The following KRT84 variants were observed in gnomAD, a reference collection of about 807,000 sequenced individuals.
KRT84 encodes keratin 84.
Under a neutral mutation model 49.0 loss-of-function variants are expected in KRT84, and 38 were observed. The ratio of observed to expected loss-of-function variants is 0.78; its 90% CI spans 0.60 to 1.02. KRT84 has a LOEUF of 1.02. Ranked by LOEUF, KRT84 falls within the 50% of genes least tolerant of loss-of-function variation. The pLI, the probability that KRT84 is intolerant of heterozygous loss-of-function variation, is 0.00. For synonymous variants in KRT84, 334 were observed against 312.8 expected, an observed-to-expected ratio of 1.07 and a Z score of -0.72; for missense variants, 860 against 788.6, an observed-to-expected ratio of 1.09 and a Z score of -1.08.
Position 52,380,529 on chromosome 12 carries a change from G to A in KRT84, c.1258C>T (p.Leu420Phe). The change falls in exon 7 of 9, where the codon CTC (leucine) becomes TTC (phenylalanine). Residue 420 changes from leucine to phenylalanine, a missense_variant. By Grantham distance (22) the Leu-to-Phe change is conservative. Transcript: ENST00000257951. ...AEAEQQGEAT[L>F]SDAKCKLADL... ...GCCAGCTTGCATTTGGCATCACTGAGGGTCGCCTCGCCCTGCTGCTCGGCC... is the reference window on the plus strand; with the variant it reads ...GCCAGCTTGCATTTGGCATCACTGAAGGTCGCCTCGCCCTGCTGCTCGGCC... The A allele has an allele frequency of 6.2e-7, 1 of 1,614,008 alleles. No homozygotes were observed. Among genetic ancestry groups the A allele is most frequent in the Non-Finnish European group, 8.5e-7 (1 of 1,179,916 alleles).
rs748995346 is a variant in KRT84 at position 52,378,094 on chromosome 12, G to A, written c.1743C>T (p.Gly581=). Residue 581 remains glycine (G), a synonymous_variant, in exon 9 of 9, where the codon GGC becomes GGT. Coordinates refer to ENST00000257951, the MANE Select transcript of KRT84 (RefSeq NM_033045.4). ...PTQGGFSSCS[G]GRSSSVRFVS... ...CAAAGCGGACGCTGGAGCTGCGGCC[G>A]CCGCTGCAGCTGCTGAAGCCCCCCT... 1.5e-5 allele frequency: 22 copies of A among 1,503,068 alleles called. No homozygotes were observed. Among genetic ancestry groups the A allele is most frequent in the East Asian group, 1.0e-4 (4 of 39,862 alleles). The allele number at this position is 1,503,068 out of a possible 1,614,324, so 93.1% of individuals were successfully genotyped here.
At chr12:52,380,650 C>A in intron 6 of KRT84, 67 bp from the exon 7 acceptor site, 1 of 1,455,552 alleles carries the variant, frequency 6.9e-7, no homozygotes, top group Admixed American at 2.1e-5. Flanking sequence ...GGGTTAGAAA[C>A]ACGGCCCCTC....
At position 52,381,375 on chromosome 12, in the gene KRT84, A is replaced by G. The variant is rs965413016; in HGVS notation, c.1063T>C (p.Trp355Arg). 6 of 1,614,204 alleles carry G rather than the reference A, an allele frequency of 3.7e-6. No homozygotes were observed. Among genetic ancestry groups the G allele is most frequent in the Non-Finnish European group, 5.1e-6 (6 of 1,180,032 alleles). ...CCACTGCCCACCTTGGTCTGGTACC[A>G]GGCCTCAGCATCAGCCCGGCTGCGC... is the stretch of plus-strand genomic sequence containing the variant. ...ARRSRADAEA[W>R]YQTKYEEMQV... Residue 355 changes from tryptophan to arginine, a missense_variant, in exon 5 of 9, where the codon TGG (tryptophan) becomes CGG (arginine). Transcript: ENST00000257951.
intron 4 of KRT84, among the ~76,000 whole-genome samples, chr12:52,381,947 A>G (rs1386139258): frequency 1.3e-5 from 2 of 152,160 alleles, no homozygotes; most frequent in Admixed American, 6.5e-5. Context: ...TAATAGAAGA[A>G]CTGAGGGGCT....
rs771892660 is a variant in KRT84 at position 52,383,571 on chromosome 12, C to A, written c.755+19G>T. On this transcript the variant is annotated intron_variant, in intron 2 of 8. Transcript: ENST00000257951. ...AGGCCTGGCCTGTCACTGGTCTGTG[C>A]AGCTCAGATGTCACTCACTTCTTCT... is the stretch of plus-strand genomic sequence containing the variant. 2 of 1,605,224 alleles carry A rather than the reference C, an allele frequency of 1.2e-6. No homozygotes were observed. Among genetic ancestry groups the A allele is most frequent in the East Asian group, 4.5e-5 (2 of 44,822 alleles).
At chr12:52,379,314 C>A (rs981150286) in intron 8 of KRT84, among the ~76,000 whole-genome samples, 2 of 152,224 alleles carry the variant, frequency 1.3e-5, no homozygotes, top group Non-Finnish European at 2.9e-5. Flanking sequence ...CCCCAGGGAT[C>A]CTTCCAGTGT....
intron 8 of KRT84, among the ~76,000 whole-genome samples, chr12:52,379,288 C>T (rs534414287): frequency 1.3e-5 from 2 of 152,222 alleles, no homozygotes; most frequent in Non-Finnish European, 2.9e-5. Context: ...ACAGGGATGC[C>T]AGTATCCGCT....
intron 1 of KRT84, among the ~76,000 whole-genome samples, chr12:52,384,125 T>C (rs1338452729): frequency 6.6e-6 from 1 of 152,232 alleles, no homozygotes; most frequent in African/African-American, 2.4e-5. Flanking sequence ...TTTGCCTATA[T>C]CTGAAAACTG....
Position 52,385,036 on chromosome 12 carries a change from G to T in KRT84, c.546+4C>A. Reference sequence around the variant, plus strand: ...AGACCCAGAGATTCAGCTATCATAGGTACCTTGTCAATGAAGGAGGCAAAC... The same window carrying T: ...AGACCCAGAGATTCAGCTATCATAGTTACCTTGTCAATGAAGGAGGCAAAC... On this transcript the variant is annotated splice_donor_region_variant and intron_variant, in intron 1 of 8. Transcript: ENST00000257951. 6.2e-7 allele frequency: 1 copy of T among 1,604,278 alleles called. No homozygotes were observed. Among genetic ancestry groups the T allele is most frequent in the African/African-American group, 1.3e-5 (1 of 74,728 alleles).
rs145321688 is a variant in KRT84 at position 52,381,511 on chromosome 12, C to T, written c.927G>A (p.Leu309=). 196 of 1,613,946 alleles carry T rather than the reference C, an allele frequency of 1.2e-4. No homozygotes were observed. The highest frequency in any genetic ancestry group is 1.6e-4 in the Non-Finnish European group (191 of 1,179,956). Residue 309 remains leucine, a synonymous_variant, in exon 5 of 9, where the codon CTG becomes CTA. Coordinates refer to ENST00000257951, the MANE Select transcript of KRT84 (RefSeq NM_033045.4). Reference sequence around the variant, plus strand: ...CCGACGTCTCTGAGATGTGCGACTGCAGCAACTGGATTTCCTGTGTTGGAG... The same window carrying T: ...CCGACGTCTCTGAGATGTGCGACTGTAGCAACTGGATTTCCTGTGTTGGAG... ...KTLYMEEIQL[L]QSHISETSVI... is the part of the protein sequence containing the mutation.
At chr12:52,385,773 A>T (rs1939565516), upstream of KRT84, 4 of 615,630 alleles carry the variant, frequency 6.5e-6, no homozygotes, top group Non-Finnish European at 1.1e-5. Context: ...GAAACTCTGC[A>T]TGCCTATAAC....
chr12:52,377,980 C>G lies in KRT84; in HGVS notation c.*54G>C, dbSNP rs1939413742. ...AGCCCACGAACCCTGGGGGCAGAAG[C>G]AGGAGCCGTGGAGCTGGTTCTTCTC... is the stretch of plus-strand genomic sequence containing the variant. On this transcript the variant is annotated 3_prime_UTR_variant, in exon 9 of 9. Transcript: ENST00000257951. 2 of 1,326,270 alleles carry G rather than the reference C, an allele frequency of 1.5e-6. No homozygotes were observed. Among genetic ancestry groups the G allele is most frequent in the Middle Eastern group, 2.2e-4 (1 of 4,550 alleles). The allele number at this position is 1,326,270 out of a possible 1,614,324, so 82.2% of individuals were successfully genotyped here.
intron 7 of KRT84, 94 bp downstream of exon 7, chr12:52,380,269 T>C: frequency 4.9e-6 from 7 of 1,418,834 alleles, no homozygotes; most frequent in South Asian, 2.6e-5. Flanking sequence ...AAAGACTATG[T>C]ATTTCTGCAG....
chr12:52,386,431 A>G (rs1209016353), upstream of KRT84, among the ~76,000 whole-genome samples: 5 of 149,132 alleles, frequency 3.4e-5, no homozygotes, highest in Non-Finnish European at 7.4e-5. Context: ...CTAGTTGCCC[A>G]GGCTGGTCTT....
rs757035292 is a variant in KRT84, at chr12:52,380,388, G to A, written c.1399C>T (p.Arg467Cys). The part of the protein sequence containing the change: ...GLDIEIATYR[R>C]LLEGEESRLC... ...CGGCTCTCCTCGCCCTCCAGCAGGC[G>A]CCTGTAGGTGGCGATCTCGATGTCC... Residue 467 changes from arginine to cysteine, a missense_variant, in exon 7 of 9, where the codon CGC becomes TGC. Physicochemically the swap from Arg to Cys is radical, Grantham distance 180 (BLOSUM62 -3). Transcript: ENST00000257951. 23 of 1,613,982 alleles carry A rather than the reference G, an allele frequency of 1.4e-5. No individual in the cohort carries two copies. The highest frequency in any genetic ancestry group is 3.3e-5 in the South Asian group (3 of 91,072).
At position 52,385,152 on chromosome 12, in the gene KRT84, C is replaced by T. The variant is rs1439471253; in HGVS notation, c.434G>A (p.Ser145Asn). Residue 145 changes from serine to asparagine, a missense_variant, in exon 1 of 9, where the codon AGC becomes AAC. Ser to Asn is a conservative substitution (Grantham distance 46). Coordinates refer to ENST00000257951, the MANE Select transcript of KRT84 (RefSeq NM_033045.4). Reference protein sequence around the residue: ...PSITAVTVNKSLLTPLNLEID... With the variant: ...PSITAVTVNKNLLTPLNLEID... ...CTCCAGGTTGAGGGGGGTCAGTAGGCTCTTGTTCACAGTCACAGCTGTGAT... is the reference window on the plus strand; with the variant it reads ...CTCCAGGTTGAGGGGGGTCAGTAGGTTCTTGTTCACAGTCACAGCTGTGAT... 2 of 1,600,598 alleles carry T rather than the reference C, an allele frequency of 1.2e-6. No homozygotes were observed. Among genetic ancestry groups the T allele is most frequent in the African/African-American group, 2.7e-5 (2 of 74,642 alleles).
In KRT84 at chr12:52,381,167, G is replaced by T. The variant is rs1254855510; in HGVS notation, c.1116C>A (p.Asp372Glu). The T allele has an allele frequency of 1.2e-6, 2 of 1,614,058 alleles. No individual in the cohort carries two copies. Among genetic ancestry groups the T allele is most frequent in the Non-Finnish European group, 8.5e-7 (1 of 1,180,042 alleles). ...TCTCGTTCCGTATGTTGCGCAGGTTGTCACAGTGTTGGCCAGCTGTCACCT... is the reference window on the plus strand; with the variant it reads ...TCTCGTTCCGTATGTTGCGCAGGTTTTCACAGTGTTGGCCAGCTGTCACCT... Reference protein sequence around the residue: ...EMQVTAGQHCDNLRNIRNEIN... With the variant: ...EMQVTAGQHCENLRNIRNEIN... Residue 372 changes from aspartate (D) to glutamate (E), a missense_variant, in exon 6 of 9, where the codon GAC becomes GAA. Physicochemically the swap from Asp to Glu is conservative, Grantham distance 45. Coordinates refer to ENST00000257951, the MANE Select transcript of KRT84 (RefSeq NM_033045.4).
rs751965594 is a variant in KRT84 at position 52,385,559 on chromosome 12, G to A, written c.27C>T (p.Ser9=). The A allele has an allele frequency of 1.2e-6, 2 of 1,613,912 alleles. No individual in the cohort carries two copies. The highest frequency in any genetic ancestry group is 2.2e-5 in the South Asian group (2 of 91,080). ...TGAAGTTGCCCACCCGGTGACCAGAGCTGACTCGGTAGGAGCGGCAAGACA... is the reference window on the plus strand; with the variant it reads ...TGAAGTTGCCCACCCGGTGACCAGAACTGACTCGGTAGGAGCGGCAAGACA... MSCRSYRV[S]SGHRVGNFSS... Residue 9 remains serine, a synonymous_variant, in exon 1 of 9, where the codon AGC becomes AGT. Transcript: ENST00000257951.
In KRT84 at chr12:52,383,795, G is replaced by A. The variant is rs1283454012; in HGVS notation, c.550C>T (p.Arg184Trp). Residue 184 changes from arginine (R) to tryptophan (W), a missense_variant, in exon 2 of 9, where the codon CGG (arginine) becomes TGG (tryptophan). Transcript: ENST00000257951. ...NKFASFIDKV[R>W]FLEQQNKLLE... is the part of the protein sequence containing the mutation. ...AGCTTATTCTGCTGCTCTAGGAACCGAACCTAAATCCACAGGGCACAGAAA... is the reference window on the plus strand; with the variant it reads ...AGCTTATTCTGCTGCTCTAGGAACCAAACCTAAATCCACAGGGCACAGAAA... 6.2e-6 allele frequency: 10 copies of A among 1,611,102 alleles called. No homozygotes were observed. Among genetic ancestry groups the A allele is most frequent in the East Asian group, 2.2e-5 (1 of 44,870 alleles).
Sources: allele counts gnomAD v4.1 joint callset (sites outside exome capture counted in the v4.1 genomes callset), GRCh38; gene constraint gnomAD v4.1.1; transcripts MANE v1.5; gene names NCBI Gene and HGNC (gene_info 2026-07-23, HGNC 2026-07-21).